KRABD5: variants seen among roughly 807,000 people sequenced by gnomAD.
The protein encoded by KRABD5 is KRAB domain containing 5, also known as KRAB domain-containing protein 5.
At chr16:31,746,233 G>GT in the KRABD5 span, among the ~76,000 whole-genome samples, 1 of 151,980 alleles carries the variant, frequency 6.6e-6, no homozygotes, top group African/African-American at 2.4e-5. Context: ...ATGTTTTTGT[G>GT]TTTTTCCAGT....
chr16:31,746,159 A>G, the KRABD5 span, among the ~76,000 whole-genome samples: 13 of 152,290 alleles, frequency 8.5e-5, no homozygotes, highest in South Asian at 2.7e-3. Flanking sequence ...TCCCGTCATC[A>G]TGATGCTATT....
the KRABD5 span, chr16:31,722,519 C>T: frequency 1.6e-6 from 2 of 1,269,416 alleles, no homozygotes; most frequent in East Asian, 2.4e-5. Context: ...TCAGGTCACT[C>T]ATATAAATCA....
the KRABD5 span, among the ~76,000 whole-genome samples, chr16:31,736,978 G>A: frequency 6.6e-6 from 1 of 151,564 alleles, no homozygotes; most frequent in East Asian, 1.9e-4. Context: ...ATAGTTATTT[G>A]TATACACAGA....
the KRABD5 span, chr16:31,754,128 C>T: frequency 8.6e-6 from 6 of 696,820 alleles, no homozygotes; most frequent in Non-Finnish European, 1.6e-5. Flanking sequence ...TGACTTAGTC[C>T]ATGTTTCAAA....
chr16:31,718,434 T>C, the KRABD5 span, among the ~76,000 whole-genome samples: 1 of 152,084 alleles, frequency 6.6e-6, no homozygotes, highest in South Asian at 2.1e-4. Context: ...AAGCCCTACT[T>C]TTTGTGTGGG....
the KRABD5 span, among the ~76,000 whole-genome samples, chr16:31,715,644 G>A: frequency 3.9e-5 from 6 of 152,174 alleles, no homozygotes; most frequent in African/African-American, 1.2e-4. Flanking sequence ...GGCCCCTGGG[G>A]AATTGTGACT....
chr16:31,758,465 A>G, the KRABD5 span: 1 of 152,056 alleles, frequency 6.6e-6, no homozygotes, highest in African/African-American at 2.4e-5. Context: ...ATTTCAGGAA[A>G]AACTTAAACA....
At chr16:31,724,561 G>A in the KRABD5 span, among the ~76,000 whole-genome samples, 5 of 151,918 alleles carry the variant, frequency 3.3e-5, no homozygotes, top group African/African-American at 9.7e-5. Flanking sequence ...GCGTGGTGGC[G>A]GGTGCCTGTA....
the KRABD5 span, among the ~76,000 whole-genome samples, chr16:31,738,551 G>A: frequency 6.6e-6 from 1 of 151,838 alleles, no homozygotes; most frequent in Non-Finnish European, 1.5e-5. Flanking sequence ...ATTCTTTCAT[G>A]TTCAGCTCAT....
the KRABD5 span, among the ~76,000 whole-genome samples, chr16:31,717,668 CATT>C: frequency 5.9e-5 from 9 of 152,292 alleles, no homozygotes; most frequent in African/African-American, 1.9e-4. Flanking sequence ...ATTCTGGTCT[CATT>C]GTGTCATAGA....
chr16:31,744,956 A>T, the KRABD5 span, among the ~76,000 whole-genome samples: 1 of 152,116 alleles, frequency 6.6e-6, no homozygotes, highest in East Asian at 1.9e-4. Flanking sequence ...TGTTTCTGTG[A>T]GGTCAGTGGT....
At chr16:31,729,095 C>T in the KRABD5 span, among the ~76,000 whole-genome samples, 1 of 152,086 alleles carries the variant, frequency 6.6e-6, no homozygotes, top group Non-Finnish European at 1.5e-5. Flanking sequence ...GTATAGCTAC[C>T]CCTGCCTGCA....
At chr16:31,751,014 C>G in the KRABD5 span, among the ~76,000 whole-genome samples, 1 of 152,206 alleles carries the variant, frequency 6.6e-6, no homozygotes, top group Non-Finnish European at 1.5e-5. Context: ...CCGGCCTCGG[C>G]CTTCCAGAGT....
At chr16:31,754,765 T>G in the KRABD5 span, 1 of 462,192 alleles carries the variant, frequency 2.2e-6, no homozygotes, top group Admixed American at 2.4e-5. Context: ...TAAGAAAACA[T>G]AAGATAATCC....
At chr16:31,749,008 G>T in the KRABD5 span, among the ~76,000 whole-genome samples, 1 of 152,146 alleles carries the variant, frequency 6.6e-6, no homozygotes, top group Non-Finnish European at 1.5e-5. Context: ...TGCTTTGCTG[G>T]GGAAAAACCC....
the KRABD5 span, among the ~76,000 whole-genome samples, chr16:31,740,606 C>T: frequency 6.6e-6 from 1 of 150,488 alleles, no homozygotes; most frequent in African/African-American, 2.4e-5. Flanking sequence ...CCAGCCTGGG[C>T]AGTATTGCAA....
At chr16:31,734,380 C>CTACAGGCATATGCCT in the KRABD5 span, among the ~76,000 whole-genome samples, 2 of 151,712 alleles carry the variant, frequency 1.3e-5, no homozygotes, top group Non-Finnish European at 1.5e-5. Flanking sequence ...CTCCCCAAGT[C>CTACAGGCATATGCCT]GTTAGGACTA....
At chr16:31,746,845 C>T in the KRABD5 span, among the ~76,000 whole-genome samples, 1 of 151,998 alleles carries the variant, frequency 6.6e-6, no homozygotes, top group East Asian at 1.9e-4. Flanking sequence ...GTCTTGTCTG[C>T]ATGCCTTATT....
the KRABD5 span, among the ~76,000 whole-genome samples, chr16:31,723,523 A>G: frequency 6.6e-6 from 1 of 152,178 alleles, no homozygotes; most frequent in Admixed American, 6.5e-5. Context: ...TCTGTCTCAT[A>G]TTCTTAAATT....
Sources: allele counts gnomAD v4.1 joint callset (sites outside exome capture counted in the v4.1 genomes callset), GRCh38; gene constraint gnomAD v4.1.1; transcripts MANE v1.5; gene names NCBI Gene and HGNC (gene_info 2026-07-23, HGNC 2026-07-21).